The following ZDHHC15 variants were observed in gnomAD, a reference collection of about 807,000 sequenced individuals.
ZDHHC15 encodes the protein zDHHC palmitoyltransferase 15.
A neutral mutation model predicts 31.7 loss-of-function variants in ZDHHC15; 19 were observed. The observed-to-expected ratio is 0.60, with a 90% CI of 0.42 to 0.88. ZDHHC15 has a LOEUF of 0.88. Ranked by LOEUF, ZDHHC15 falls within the 40% of genes least tolerant of loss-of-function variation. The probability of loss-of-function intolerance (pLI) is 0.00; values close to 1 mark genes in which losing one functional copy is unlikely to be tolerated. For synonymous variants in ZDHHC15, 103 were observed against 90.0 expected, an observed-to-expected ratio of 1.14 and a Z score of -0.82; for missense variants, 209 against 251.2, an observed-to-expected ratio of 0.83 and a Z score of 1.14.
intron 3 of ZDHHC15, among the ~76,000 whole-genome samples, chrX:75,467,837 C>T (rs1395524779): frequency 9.0e-6 from 1 of 111,235 alleles, no homozygotes; most frequent in East Asian, 2.8e-4. Flanking sequence ...GCAACCATTA[C>T]CGCTATCTAG....
chrX:75,493,182 G>C (rs962101236), intron 2 of ZDHHC15, among the ~76,000 whole-genome samples: 1 of 111,760 alleles, frequency 8.9e-6, no homozygotes, highest in African/African-American at 3.3e-5. Flanking sequence ...AGAAAATCTA[G>C]AAGAAATAGA....
intron 11 of ZDHHC15, among the ~76,000 whole-genome samples, chrX:75,373,926 G>GGTTTTTTTTT (rs2083027725): frequency 2.0e-5 from 1 of 50,456 alleles, no homozygotes; most frequent in Non-Finnish European, 3.4e-5. Flanking sequence ...CATTCTTTCT[G>GGTTTTTTTTT]TTTTTTTTTT....
At chrX:75,378,860 T>G (rs1464663615) in intron 11 of ZDHHC15, among the ~76,000 whole-genome samples, 1 of 111,363 alleles carries the variant, frequency 9.0e-6, no homozygotes, top group Non-Finnish European at 1.9e-5. Flanking sequence ...AACGGAATGT[T>G]TGGGTGTCTG....
chrX:75,495,701 T>C (rs2084983576), intron 2 of ZDHHC15, among the ~76,000 whole-genome samples: 1 of 101,982 alleles, frequency 9.8e-6, no homozygotes, highest in Non-Finnish European at 2.0e-5. Flanking sequence ...AAATACCGCA[T>C]GTTCTCACTC....
At chrX:75,491,497 G>A (rs1412225451) in intron 2 of ZDHHC15, among the ~76,000 whole-genome samples, 14 of 82,828 alleles carry the variant, frequency 1.7e-4, no homozygotes, top group African/African-American at 6.3e-4. Flanking sequence ...GAGGGGGAGG[G>A]ATAGCTTTAG....
At chrX:75,373,920 C>CTTTTTTTTTTT in intron 11 of ZDHHC15, among the ~76,000 whole-genome samples, 1 of 27,871 alleles carries the variant, frequency 3.6e-5, no homozygotes, top group Non-Finnish European at 9.9e-5. Context: ...CTTATTCATT[C>CTTTTTTTTTTT]TTTCTGTTTT....
At chrX:75,374,658 A>AGTGT (rs760934695) in intron 11 of ZDHHC15, among the ~76,000 whole-genome samples, 17 of 100,022 alleles carry the variant, frequency 1.7e-4, no homozygotes, top group African/African-American at 6.1e-4. Flanking sequence ...AGTAAATTTT[A>AGTGT]GTGTGTGTGT....
At chrX:75,503,293 G>A (rs1207433153) in intron 2 of ZDHHC15, among the ~76,000 whole-genome samples, 1 of 110,185 alleles carries the variant, frequency 9.1e-6, no homozygotes, top group Non-Finnish European at 1.9e-5. Flanking sequence ...TACTTCTTTG[G>A]TTCTGAATTG....
chrX:75,377,967 T>G (rs2083077213), intron 11 of ZDHHC15, among the ~76,000 whole-genome samples: 1 of 112,373 alleles, frequency 8.9e-6, no homozygotes, highest in Non-Finnish European at 1.9e-5. Flanking sequence ...ATAGACAGAT[T>G]AGCACCACAG....
chrX:75,455,216 C>T (rs1232999157), intron 3 of ZDHHC15, among the ~76,000 whole-genome samples: 1 of 111,103 alleles, frequency 9.0e-6, no homozygotes, highest in Non-Finnish European at 1.9e-5. Context: ...TAACACCACA[C>T]ATGTATAACC....
intron 10 of ZDHHC15, among the ~76,000 whole-genome samples, chrX:75,413,720 C>A (rs1412537915): frequency 9.3e-6 from 1 of 107,791 alleles, no homozygotes; most frequent in East Asian, 2.9e-4. Flanking sequence ...AAAAAAAACA[C>A]AGAACATTCA....
At chrX:75,460,718 G>T (rs2084299897) in intron 3 of ZDHHC15, among the ~76,000 whole-genome samples, 1 of 111,003 alleles carries the variant, frequency 9.0e-6, no homozygotes, top group South Asian at 3.9e-4. Context: ...TGACCTGACT[G>T]TTAAAAGAAA....
chrX:75,375,274 A>T (rs911444598), intron 11 of ZDHHC15, among the ~76,000 whole-genome samples: 8 of 112,023 alleles, frequency 7.1e-5, no homozygotes, highest in Non-Finnish European at 1.5e-4. Context: ...TTAATAGATA[A>T]AAATTAGTAT....
chrX:75,382,616 T>C (rs143506430), intron 10 of ZDHHC15, among the ~76,000 whole-genome samples: 146 of 112,169 alleles, frequency 1.3e-3, no homozygotes, highest in Middle Eastern at 4.6e-3. Flanking sequence ...CAAGTAAGTG[T>C]ATATCGAGAG....
intron 2 of ZDHHC15, among the ~76,000 whole-genome samples, chrX:75,495,913 A>G (rs2084988874): frequency 9.2e-6 from 1 of 108,445 alleles, no homozygotes; most frequent in Admixed American, 1.0e-4. Flanking sequence ...CACATGTACC[A>G]TAAAACTTGA....
At chrX:75,405,296 G>T (rs779486415) in intron 10 of ZDHHC15, among the ~76,000 whole-genome samples, 1 of 111,113 alleles carries the variant, frequency 9.0e-6, no homozygotes, top group Non-Finnish European at 1.9e-5. Context: ...TAATACCTGG[G>T]TGATGTAATA....
intron 5 of ZDHHC15, among the ~76,000 whole-genome samples, chrX:75,430,816 C>T (rs937560279): frequency 3.6e-5 from 4 of 111,431 alleles, no homozygotes; most frequent in African/African-American, 1.3e-4. Flanking sequence ...CTTACTCTGT[C>T]GTCTTCCTCC....
chrX:75,508,759 C>T (rs1178142952), intron 1 of ZDHHC15, among the ~76,000 whole-genome samples: 2 of 110,927 alleles, frequency 1.8e-5, no homozygotes, highest in Non-Finnish European at 3.8e-5. Flanking sequence ...TTTCCAGTCC[C>T]ACCAACAGTG....
intron 10 of ZDHHC15, among the ~76,000 whole-genome samples, chrX:75,399,429 G>T (rs889902807): frequency 1.8e-5 from 2 of 111,889 alleles, no homozygotes; most frequent in African/African-American, 3.2e-5. Flanking sequence ...TCTCCCACAG[G>T]TCCTAAACAC....
Sources: gnomAD v4.1 joint callset for allele counts (sites outside exome capture counted in the v4.1 genomes callset) on GRCh38, gnomAD v4.1.1 for gene constraint, MANE v1.5 for transcripts, NCBI Gene and HGNC (gene_info 2026-07-23, HGNC 2026-07-21) for gene names.